VTI1A: variants seen among roughly 807,000 people sequenced by gnomAD.
VTI1A encodes the protein vesicle transport through interaction with t-SNAREs homolog 1A.
A neutral mutation model predicts 34.9 loss-of-function variants in VTI1A; 22 were observed. The ratio of observed to expected loss-of-function variants is 0.63; its 90% CI spans 0.45 to 0.90. VTI1A has a LOEUF of 0.90. VTI1A is among the 40% of genes least tolerant of loss of function. VTI1A has a pLI of 0.00. For missense variants in VTI1A, 268 were observed against 275.6 expected (o/e 0.97, Z 0.20); for synonymous variants, 87 against 97.3 (o/e 0.89, Z 0.62).
intron 5 of VTI1A, among the ~76,000 whole-genome samples, chr10:112,595,554 T>A (rs915310593): frequency 2.6e-5 from 4 of 152,074 alleles, no homozygotes; most frequent in African/African-American, 9.7e-5. Flanking sequence ...AAAAGACACA[T>A]GAAAAAATGC....
chr10:112,839,232 C>T, the VTI1A span, among the ~76,000 whole-genome samples: 4 of 152,174 alleles, frequency 2.6e-5, no homozygotes, highest in Admixed American at 6.5e-5. Flanking sequence ...CTCAGGGGCT[C>T]ACAGTCTGGC....
chr10:112,540,007 C>T (rs964026690), intron 5 of VTI1A, among the ~76,000 whole-genome samples: 1 of 152,130 alleles, frequency 6.6e-6, no homozygotes, highest in Non-Finnish European at 1.5e-5. Flanking sequence ...AGGGACCTTC[C>T]TTGACAAAAC....
intron 3 of VTI1A, among the ~76,000 whole-genome samples, chr10:112,489,622 T>C (rs1848754346): frequency 6.6e-6 from 1 of 152,216 alleles, no homozygotes; most frequent in Non-Finnish European, 1.5e-5. Flanking sequence ...ATTCTCTTTT[T>C]TTCTCTCTCA....
the VTI1A span, among the ~76,000 whole-genome samples, chr10:112,854,859 TC>T: frequency 1.3e-5 from 2 of 152,162 alleles, no homozygotes; most frequent in Admixed American, 6.5e-5. Flanking sequence ...CCGTCTTCCT[TC>T]CTGCAGCTCA....
At chr10:112,734,013 A>G (rs941579002) in intron 7 of VTI1A, among the ~76,000 whole-genome samples, 3 of 152,004 alleles carry the variant, frequency 2.0e-5, no homozygotes, top group African/African-American at 4.8e-5. Flanking sequence ...CAGCCTCCCA[A>G]AGTGCTGGGA....
intron 1 of VTI1A, chr10:112,448,549 C>T (rs1051327370): frequency 6.6e-6 from 1 of 152,196 alleles, no homozygotes; most frequent in Non-Finnish European, 1.5e-5. Context: ...CGGGGACTAT[C>T]TTTCTCTACA....
intron 5 of VTI1A, among the ~76,000 whole-genome samples, chr10:112,637,857 A>G (rs1590008363): frequency 6.6e-6 from 1 of 152,236 alleles, no homozygotes; most frequent in East Asian, 1.9e-4. Flanking sequence ...TGTGTGGATT[A>G]GGGAGTAAAA....
intron 7 of VTI1A, among the ~76,000 whole-genome samples, chr10:112,768,703 G>A (rs1439772526): frequency 6.6e-6 from 1 of 152,150 alleles, no homozygotes; most frequent in East Asian, 1.9e-4. Flanking sequence ...GTGAGGGTGG[G>A]GAAAGAAATA....
chr10:112,604,783 G>A (rs1187226537), intron 5 of VTI1A, among the ~76,000 whole-genome samples: 1 of 152,120 alleles, frequency 6.6e-6, no homozygotes, highest in African/African-American at 2.4e-5. Flanking sequence ...TTATGATCTG[G>A]TGACCTTGTC....
intron 7 of VTI1A, among the ~76,000 whole-genome samples, chr10:112,789,319 T>C (rs1397026949): frequency 1.3e-5 from 2 of 152,212 alleles, no homozygotes; most frequent in Non-Finnish European, 2.9e-5. Context: ...ATAGAATTCT[T>C]GGTTGATAAG....
intron 5 of VTI1A, among the ~76,000 whole-genome samples, chr10:112,589,694 G>A (rs772576712): frequency 2.0e-5 from 3 of 152,292 alleles, no homozygotes; most frequent in African/African-American, 7.2e-5. Flanking sequence ...ACCCTCTGGG[G>A]TAGGTATTTT....
chr10:112,829,455 A>AAAG, the VTI1A span, among the ~76,000 whole-genome samples: 1 of 149,282 alleles, frequency 6.7e-6, no homozygotes, highest in Non-Finnish European at 1.5e-5. Context: ...AAAAAAAAAA[A>AAAG]AAATCTATTG....
chr10:112,636,561 T>TA (rs747807489), intron 5 of VTI1A, among the ~76,000 whole-genome samples: 40 of 151,398 alleles, frequency 2.6e-4, no homozygotes, highest in African/African-American at 7.3e-4. Flanking sequence ...CCGTCTCTAC[T>TA]AAAAAAAATA....
At chr10:112,784,696 C>T (rs532521423) in intron 7 of VTI1A, among the ~76,000 whole-genome samples, 12 of 152,284 alleles carry the variant, frequency 7.9e-5, no homozygotes, top group South Asian at 2.1e-4. Context: ...TGTCTACAAA[C>T]GGCAAACCTC....
chr10:112,712,474 TCA>T (rs60129148), intron 7 of VTI1A, among the ~76,000 whole-genome samples: 19,195 of 143,250 alleles, frequency 0.13, 1,345 homozygotes, highest in Middle Eastern at 0.18. Context: ...TCAACTATTA[TCA>T]CACACACACA....
chr10:112,517,390 T>C (rs1849817170), intron 3 of VTI1A, among the ~76,000 whole-genome samples: 1 of 152,040 alleles, frequency 6.6e-6, no homozygotes. Flanking sequence ...CAGACTGATA[T>C]AAATAGATGA....
chr10:112,686,274 A>C (rs1474037091), intron 7 of VTI1A, among the ~76,000 whole-genome samples: 1 of 152,128 alleles, frequency 6.6e-6, no homozygotes, highest in East Asian at 1.9e-4. Context: ...GCAGTAGAAA[A>C]TCCTAGGCTC....
intron 3 of VTI1A, among the ~76,000 whole-genome samples, chr10:112,515,148 G>A (rs1849733340): frequency 6.6e-6 from 1 of 152,096 alleles, no homozygotes; most frequent in East Asian, 1.9e-4. Context: ...TTGATGCAGA[G>A]TCATAGGGCC....
intron 7 of VTI1A, among the ~76,000 whole-genome samples, chr10:112,804,708 T>C (rs1258833252): frequency 6.6e-6 from 1 of 152,128 alleles, no homozygotes; most frequent in African/African-American, 2.4e-5. Context: ...ACACCATAAG[T>C]TCCCATAGGG....
Sources: gnomAD v4.1 joint callset for allele counts (sites outside exome capture counted in the v4.1 genomes callset) on GRCh38, gnomAD v4.1.1 for gene constraint, MANE v1.5 for transcripts, NCBI Gene and HGNC (gene_info 2026-07-23, HGNC 2026-07-21) for gene names.